ZNF469: variants seen among roughly 807,000 people sequenced by gnomAD.
ZNF469 encodes zinc finger protein 469.
ZNF469 carries 1 observed loss-of-function variant against 1.0 expected under a neutral mutation model. The observed-to-expected ratio is 1.00, with a 90% CI of 0.35 to 4.73. The LOEUF (loss-of-function observed/expected upper bound fraction) is 4.73. Among genes scored for constraint, ZNF469 ranks in the 30% most tolerant of loss-of-function variants. The probability of loss-of-function intolerance (pLI) is 0.16; values close to 1 mark genes in which losing one functional copy is unlikely to be tolerated. For synonymous variants in ZNF469, 2,703 were observed against 2,363.4 expected (o/e 1.14, Z -4.17); for missense variants, 6,100 against 5,356.3 (o/e 1.14, Z -4.33).
At chr16:88,327,600 CAG>C in the ZNF469 span, among the ~76,000 whole-genome samples, 3 of 152,138 alleles carry the variant, frequency 2.0e-5, no homozygotes, top group African/African-American at 7.2e-5. Context: ...GGCAGCAGGA[CAG>C]GGCACGTGCT....
In ZNF469 at chr16:88,433,106, C is replaced by G; in HGVS notation, c.5636C>G (p.Pro1879Arg). The part of the protein sequence containing the change: ...RGREAWLVPV[P>R]SPACVSNTHP... The stretch of plus-strand genomic sequence containing the variant: ...AGGGAGGCTTGGTTGGTCCCTGTGC[C>G]AAGTCCCGCCTGTGTATCCAACACC... Residue 1879 changes from proline (P) to arginine (R), a missense_variant, in exon 3 of 3, where the codon CCA (proline) becomes CGA (arginine). Pro to Arg is a moderately radical substitution (Grantham distance 103). Transcript: ENST00000565624. 1 of 1,550,336 alleles carries G rather than the reference C, an allele frequency of 6.5e-7. No homozygotes were observed.
At chr16:88,132,226 C>T in the ZNF469 span, among the ~76,000 whole-genome samples, 6,104 of 151,918 alleles carry the variant, frequency 0.04, 20 homozygotes, top group African/African-American at 0.14. Context: ...AGGTTGCTTT[C>T]GGCCTCCGAC....
chr16:88,139,048 A>G, the ZNF469 span, among the ~76,000 whole-genome samples: 1 of 152,264 alleles, frequency 6.6e-6, no homozygotes, highest in African/African-American at 2.4e-5. Flanking sequence ...CAACATTTTA[A>G]GTCCATAGAC....
chr16:88,426,559 G>A (rs1905710290), intron 2 of ZNF469, among the ~76,000 whole-genome samples: 1 of 152,284 alleles, frequency 6.6e-6, no homozygotes, highest in Non-Finnish European at 1.5e-5. Flanking sequence ...GCTACATCTG[G>A]CATGTGCCAG....
chr16:88,132,596 T>A, the ZNF469 span, among the ~76,000 whole-genome samples: 1 of 152,246 alleles, frequency 6.6e-6, no homozygotes, highest in East Asian at 1.9e-4. Context: ...CAGGAAAACA[T>A]TTTCAGAATT....
the ZNF469 span, among the ~76,000 whole-genome samples, chr16:88,234,332 A>G: frequency 2.0e-5 from 3 of 152,256 alleles, no homozygotes; most frequent in Non-Finnish European, 4.4e-5. Context: ...ATGGGATTTA[A>G]CATCTGCAGC....
upstream of ZNF469, among the ~76,000 whole-genome samples, chr16:88,381,199 T>G (rs111072767): frequency 1.0e-5 from 1 of 95,386 alleles, no homozygotes; most frequent in Non-Finnish European, 2.3e-5. Flanking sequence ...CACACATGCA[T>G]TCACAGACAC....
At chr16:88,141,971 T>C in the ZNF469 span, among the ~76,000 whole-genome samples, 1 of 152,234 alleles carries the variant, frequency 6.6e-6, no homozygotes, top group Non-Finnish European at 1.5e-5. Context: ...CAGCCATAAG[T>C]CTGTGGGCCA....
chr16:88,271,885 A>G, the ZNF469 span, among the ~76,000 whole-genome samples: 1 of 151,486 alleles, frequency 6.6e-6, no homozygotes, highest in African/African-American at 2.4e-5. Flanking sequence ...GGATATATGA[A>G]TGAGTGAGTG....
Position 88,435,256 on chromosome 16 carries a change from C to A in ZNF469, c.7786C>A (p.Gln2596Lys). Residue 2596 changes from glutamine (Q) to lysine (K), a missense_variant, in exon 3 of 3, where the codon CAG (glutamine) becomes AAG (lysine). Gln to Lys is a moderately conservative substitution (Grantham distance 53, BLOSUM62 1). Coordinates refer to ENST00000565624, the MANE Select transcript of ZNF469 (RefSeq NM_001367624.2). ...TCCGGCCTCCAAGCCCAGACCAGAC[C>A]AGGCCAGGGAAGATGAGCTGCATCC... Reference protein sequence around the residue: ...KTPASKPRPDQAREDELHPKQ... With the variant: ...KTPASKPRPDKAREDELHPKQ... 2 of 1,550,366 alleles carry A rather than the reference C, an allele frequency of 1.3e-6. No homozygotes were observed. Among genetic ancestry groups the A allele is most frequent in the East Asian group, 4.9e-5 (2 of 40,926 alleles).
Position 88,389,409 on chromosome 16 carries a change from C to T in ZNF469, c.-192+6155C>T, listed in dbSNP as rs73247998. On this transcript the variant is annotated intron_variant, in intron 1 of 2. Transcript: ENST00000565624. Reference sequence around the variant, plus strand: ...ACATTTTGTGCACGCACCCCTCCTCCGTTGGACGCCTGGCTTGCCTCCCCT... The same window carrying T: ...ACATTTTGTGCACGCACCCCTCCTCTGTTGGACGCCTGGCTTGCCTCCCCT... 2.2e-3 allele frequency among the ~76,000 whole-genome samples: 331 copies of T among 152,392 alleles called. 3 individuals carry two copies. The highest frequency in any genetic ancestry group is 7.5e-3 in the African/African-American group (310 of 41,596).
At chr16:88,373,490 G>T in the ZNF469 span, among the ~76,000 whole-genome samples, 1 of 152,192 alleles carries the variant, frequency 6.6e-6, no homozygotes, top group South Asian at 2.1e-4. Context: ...TGGGAGATCT[G>T]GTCCCACCCT....
the ZNF469 span, among the ~76,000 whole-genome samples, chr16:88,356,713 G>A: frequency 5.3e-5 from 8 of 152,148 alleles, no homozygotes; most frequent in South Asian, 4.1e-4. Flanking sequence ...CAGGGTTTCC[G>A]TCGTTCCGTG....
At chr16:88,117,607 G>GTGGAGGTGCCACGTGCCTTCGGGGACCA in the ZNF469 span, among the ~76,000 whole-genome samples, 107,794 of 148,770 alleles carry the variant, frequency 0.72, 39,440 homozygotes, top group Middle Eastern at 0.84. Context: ...TTCGGGGACC[G>GTGGAGGTGCCACGTGCCTTCGGGGACCA]TGGAGGTGCC....
the ZNF469 span, among the ~76,000 whole-genome samples, chr16:88,269,354 G>A: frequency 3.3e-5 from 5 of 151,940 alleles, no homozygotes; most frequent in East Asian, 1.9e-4. Context: ...GCACCCGGAC[G>A]GCCGGGCCTA....
chr16:88,330,469 G>T, the ZNF469 span, among the ~76,000 whole-genome samples: 1 of 152,216 alleles, frequency 6.6e-6, no homozygotes, highest in Non-Finnish European at 1.5e-5. Flanking sequence ...TCCTTAGCAC[G>T]CATATTCCCA....
At chr16:88,230,170 G>C in the ZNF469 span, among the ~76,000 whole-genome samples, 1 of 152,220 alleles carries the variant, frequency 6.6e-6, no homozygotes, top group Non-Finnish European at 1.5e-5. Flanking sequence ...TGAAGATTTT[G>C]GGTTCTAGTC....
At chr16:88,379,688 A>C (rs376567936), upstream of ZNF469, among the ~76,000 whole-genome samples, 2 of 152,166 alleles carry the variant, frequency 1.3e-5, no homozygotes, top group African/African-American at 4.8e-5. Context: ...GGTAGCTCCC[A>C]GTTGTAACAG....
the ZNF469 span, among the ~76,000 whole-genome samples, chr16:88,313,277 A>G: frequency 6.6e-6 from 1 of 152,230 alleles, no homozygotes. Flanking sequence ...TCTTACTCTA[A>G]CCAGTCATCT....
Sources: gnomAD v4.1 joint callset for allele counts (sites outside exome capture counted in the v4.1 genomes callset) on GRCh38, gnomAD v4.1.1 for gene constraint, MANE v1.5 for transcripts, NCBI Gene and HGNC (gene_info 2026-07-23, HGNC 2026-07-21) for gene names.